The following DDX20 variants were observed in gnomAD, a reference collection of about 807,000 sequenced individuals.
DDX20 encodes DEAD-box helicase 20, also known as probable ATP-dependent RNA helicase DDX20.
A neutral mutation model predicts 76.4 loss-of-function variants in DDX20; 61 were observed. The observed-to-expected ratio is 0.80, with a 90% CI of 0.65 to 0.99. The LOEUF (loss-of-function observed/expected upper bound fraction) is 0.99. DDX20 is among the 50% of genes least tolerant of loss of function. The pLI is 0.00. For missense variants in DDX20, 976 were observed against 996.8 expected (o/e 0.98, Z 0.28); for synonymous variants, 357 against 357.4 (o/e 1.00, Z 0.01).
chr1:111,761,030 A>G lies in DDX20; in HGVS notation c.867A>G (p.Ala289=), dbSNP rs780972392. The G allele has an allele frequency of 6.2e-7, 1 of 1,613,964 alleles. No homozygotes were observed. Among genetic ancestry groups the G allele is most frequent in the East Asian group, 2.2e-5 (1 of 44,850 alleles). Residue 289 remains alanine, a synonymous_variant, in exon 6 of 11, where the codon GCA becomes GCG. Coordinates refer to ENST00000369702, the MANE Select transcript of DDX20 (RefSeq NM_007204.5). ...AAGTTGTCAATTCATACCCTTTGGC[A>G]CATAAGGTTTTTGAGGAAAAGACTC... The part of the protein sequence containing the change: ...YYKVVNSYPL[A]HKVFEEKTQH...
Position 111,761,058 on chromosome 1 carries a change from C to T in DDX20, c.895C>T (p.His299Tyr). The T allele has an allele frequency of 6.2e-7, 1 of 1,613,910 alleles. No individual in the cohort carries two copies. Among genetic ancestry groups the T allele is most frequent in the African/African-American group, 1.3e-5 (1 of 75,046 alleles). The change falls in exon 6 of 11, where the codon CAT (histidine) becomes TAT (tyrosine). Residue 299 changes from histidine to tyrosine, a missense_variant. His to Tyr is a moderately conservative substitution (Grantham distance 83). This residue lies in a region of DDX20 where 630 missense variants were observed against 693.7 expected (regional missense o/e 0.91). Coordinates refer to ENST00000369702, the MANE Select transcript of DDX20 (RefSeq NM_007204.5). ...AHKVFEEKTQ[H>Y]LQELFSRIPF... Reference sequence around the variant, plus strand: ...TAAGGTTTTTGAGGAAAAGACTCAGCATTTACAGGAACTGTTCAGCAGAAT... The same window carrying T: ...TAAGGTTTTTGAGGAAAAGACTCAGTATTTACAGGAACTGTTCAGCAGAAT...
chr1:111,757,498 G>C (rs191803), intron 2 of DDX20, among the ~76,000 whole-genome samples: 27,960 of 152,134 alleles, frequency 0.18, 3,643 homozygotes, highest in African/African-American at 0.37. Context: ...TGTTGAGTCC[G>C]TATTACGTAT....
rs373513671 is a variant in DDX20 at position 111,762,671 on chromosome 1, T to C, written c.1105-6T>C. Reference sequence around the variant, plus strand: ...AACAAATAATTGCTATCTTCTTCAATTCAAGACTTCTCGTGGGATTGATGC... The same window carrying C: ...AACAAATAATTGCTATCTTCTTCAACTCAAGACTTCTCGTGGGATTGATGC... On this transcript the variant is annotated splice_polypyrimidine_tract_variant and splice_region_variant and intron_variant, in intron 8 of 10. Coordinates refer to ENST00000369702, the MANE Select transcript of DDX20 (RefSeq NM_007204.5). 15 of 1,610,768 alleles carry C rather than the reference T, an allele frequency of 9.3e-6. No individual in the cohort carries two copies. The African/African-American group carries it at 1.9e-4, about 20-fold the overall frequency.
intron 2 of DDX20, 51 bp downstream of exon 2, chr1:111,756,791 C>T (rs1466430713): frequency 1.4e-6 from 2 of 1,420,590 alleles, no homozygotes; most frequent in Non-Finnish European, 2.0e-6. Context: ...GACTTTACCA[C>T]AGGTCAGATG....
At position 111,767,974 on chromosome 1, in the gene DDX20, T is replaced by A. The variant is rs1663816508; in HGVS notation, c.*1075T>A. 1.3e-5 allele frequency: 2 copies of A among 152,204 alleles called. No individual in the cohort carries two copies. Among genetic ancestry groups the A allele is most frequent in the Non-Finnish European group, 1.5e-5 (1 of 68,022 alleles). The allele number at this position is 152,204 out of a possible 1,614,324, so 9.4% of individuals were successfully genotyped here. The stretch of plus-strand genomic sequence containing the variant: ...GAGCTGATGCATCTGTAAATTACGA[T>A]TTAGAAAAATATAATTGGAAATTAC... On this transcript the variant is annotated 3_prime_UTR_variant, in exon 11 of 11. Coordinates refer to ENST00000369702, the MANE Select transcript of DDX20 (RefSeq NM_007204.5).
In DDX20 at chr1:111,756,054, C is replaced by T; in HGVS notation, c.130C>T (p.Gln44Ter). 1.2e-6 allele frequency: 2 copies of T among 1,609,296 alleles called. No individual in the cohort carries two copies. The highest frequency in any genetic ancestry group is 1.7e-6 in the Non-Finnish European group (2 of 1,179,306). ...GCCTGTGAGGATCCTGCGGACCGCT[C>T]AGGATCTCAGCAGCCCGCGGACCCG... ...PGPVRILRTA[Q>*]DLSSPRTRTG... Residue 44 changes from glutamine to a stop codon, truncating the protein, a stop_gained, in exon 1 of 11, where the codon CAG becomes TAG. Transcript: ENST00000369702. LOFTEE classifies it high-confidence loss of function.
At chr1:111,765,263 A>G (rs1351105459) in intron 10 of DDX20, among the ~76,000 whole-genome samples, 2 of 152,218 alleles carry the variant, frequency 1.3e-5, no homozygotes, top group Non-Finnish European at 2.9e-5. Flanking sequence ...TGTTAAGGGC[A>G]GTGATTTCTC....
intron 7 of DDX20, 103 bp from the exon 8 acceptor site, chr1:111,762,151 TA>T: frequency 1.3e-6 from 1 of 796,604 alleles, no homozygotes. Context: ...GTTGGTGTAT[TA>T]AAAGTGTTAA....
chr1:111,763,245 G>A (rs890902167), intron 10 of DDX20, among the ~76,000 whole-genome samples: 12 of 152,276 alleles, frequency 7.9e-5, no homozygotes, highest in South Asian at 4.1e-4. Flanking sequence ...TAAGTAGCAC[G>A]GAGAGGAGTG....
At chr1:111,757,921 CT>C (rs1290814694) in intron 2 of DDX20, among the ~76,000 whole-genome samples, 3 of 152,094 alleles carry the variant, frequency 2.0e-5, no homozygotes, top group South Asian at 4.1e-4. Flanking sequence ...GTGGCACAAT[CT>C]TGGCTCACTG....
rs1388506640 is a variant in DDX20, at chr1:111,767,894, A to G, written c.*995A>G. ...TACATCCTAATTTTGTGTCTTCTAGAAAATTTTCCCCAGTTTTTACCTCTA... is the reference window on the plus strand; with the variant it reads ...TACATCCTAATTTTGTGTCTTCTAGGAAATTTTCCCCAGTTTTTACCTCTA... On this transcript the variant is annotated 3_prime_UTR_variant, in exon 11 of 11. Transcript: ENST00000369702. 6.6e-6 allele frequency: 1 copy of G among 152,188 alleles called. No homozygotes were observed. The highest frequency in any genetic ancestry group is 1.5e-5 in the Non-Finnish European group (1 of 68,022). The allele number at this position is 152,188 out of a possible 1,614,324, so 9.4% of individuals were successfully genotyped here.
At chr1:111,758,759 C>T (rs1044485864) in intron 2 of DDX20, among the ~76,000 whole-genome samples, 1 of 151,986 alleles carries the variant, frequency 6.6e-6, no homozygotes, top group African/African-American at 2.4e-5. Flanking sequence ...TTTTATGATA[C>T]TTTTTATTAC....
At chr1:111,756,553 C>T in intron 1 of DDX20, 93 bp from the exon 2 acceptor site, 1 of 1,085,656 alleles carries the variant, frequency 9.2e-7, no homozygotes, top group Non-Finnish European at 1.4e-6. Context: ...CTAGGGGAAT[C>T]TCAGGAGACC....
chr1:111,759,579 A>G lies in DDX20; in HGVS notation c.565+11A>G, dbSNP rs1439777566. 6.2e-7 allele frequency: 1 copy of G among 1,609,328 alleles called. No individual in the cohort carries two copies. On this transcript the variant is annotated intron_variant, in intron 3 of 10. Transcript: ENST00000369702. ...CTGTTGGATCTCCTGGTAAGATAACAATGCCTGTTGGTAACCAGGGCTTTT... is the reference window on the plus strand; with the variant it reads ...CTGTTGGATCTCCTGGTAAGATAACGATGCCTGTTGGTAACCAGGGCTTTT...
Position 111,766,718 on chromosome 1 carries a change from G to A in DDX20, c.2294G>A (p.Ser765Asn). 6.2e-7 allele frequency: 1 copy of A among 1,614,202 alleles called. No individual in the cohort carries two copies. Among genetic ancestry groups the A allele is most frequent in the Non-Finnish European group, 8.5e-7 (1 of 1,180,014 alleles). Residue 765 changes from serine (S) to asparagine (N), a missense_variant, in exon 11 of 11, where the codon AGT (serine) becomes AAT (asparagine). Around this residue, in one of 3 missense-constraint regions of DDX20, gnomAD observed 630 missense variants for 693.7 expected, o/e 0.91. Coordinates refer to ENST00000369702, the MANE Select transcript of DDX20 (RefSeq NM_007204.5). ...GACTGTCATAGGGAAATACGTCTGA[G>A]TTTTTCTGATACCTATCAGGATTAT... ...WYDCHREIRL[S>N]FSDTYQDYEE...
Position 111,756,080 on chromosome 1 carries a change from C to T in DDX20, c.156C>T (p.Arg52=). The change falls in exon 1 of 11, where the codon CGC becomes CGT. Residue 52 remains arginine (R), a synonymous_variant. Coordinates refer to ENST00000369702, the MANE Select transcript of DDX20 (RefSeq NM_007204.5). ...AGGATCTCAGCAGCCCGCGGACCCG[C>T]ACGGGGGATGTGCTGTTGGCGGAGC... ...TAQDLSSPRT[R]TGDVLLAEPA... is the part of the protein sequence containing the mutation. 6.2e-7 allele frequency: 1 copy of T among 1,605,852 alleles called. No homozygotes were observed. Among genetic ancestry groups the T allele is most frequent in the Non-Finnish European group, 8.5e-7 (1 of 1,179,290 alleles).
chr1:111,766,820 C>T lies in DDX20; in HGVS notation c.2396C>T (p.Ala799Val), dbSNP rs773869859. ...AAASHSYYWN[A>V]QRHPSWMAAY... ...GCTTCTCATTCATATTATTGGAATGCTCAGAGACATCCAAGTTGGATGGCA... is the reference window on the plus strand; with the variant it reads ...GCTTCTCATTCATATTATTGGAATGTTCAGAGACATCCAAGTTGGATGGCA... Residue 799 changes from alanine to valine, a missense_variant, in exon 11 of 11, where the codon GCT becomes GTT. Physicochemically the swap from Ala to Val is moderately conservative, Grantham distance 64. Transcript: ENST00000369702. 1 of 1,614,062 alleles carries T rather than the reference C, an allele frequency of 6.2e-7. No homozygotes were observed. The highest frequency in any genetic ancestry group is 1.1e-5 in the South Asian group (1 of 91,086).
In DDX20 at chr1:111,756,164, C is replaced by G. The variant is rs962473151; in HGVS notation, c.240C>G (p.Ala80=). ...CGGTGCTGGAGGGGCTGCGGGCGGC[C>G]GGCTTCGAGAGGCCCTCGCCGGTGC... ...SRPVLEGLRA[A]GFERPSPVQL... The change falls in exon 1 of 11, where the codon GCC becomes GCG. Residue 80 remains alanine, a synonymous_variant. Coordinates refer to ENST00000369702, the MANE Select transcript of DDX20 (RefSeq NM_007204.5). The G allele has an allele frequency of 6.5e-7, 1 of 1,549,168 alleles. No individual in the cohort carries two copies. Among genetic ancestry groups the G allele is most frequent in the South Asian group, 1.2e-5 (1 of 85,276 alleles).
intron 7 of DDX20, chr1:111,761,576 TTGTC>T (rs899110268): frequency 5.5e-5 from 13 of 235,178 alleles, no homozygotes; most frequent in Admixed American, 3.2e-4. Context: ...AAAACCAAGT[TTGTC>T]TGTATTGTGT....
Sources: allele counts gnomAD v4.1 joint callset (sites outside exome capture counted in the v4.1 genomes callset), GRCh38; gene constraint gnomAD v4.1.1; regional missense constraint gnomAD v4.1.1; transcripts MANE v1.5; gene names NCBI Gene and HGNC (gene_info 2026-07-23, HGNC 2026-07-21).